The following DLC1 variants were observed in gnomAD, a reference collection of about 807,000 sequenced individuals.
The protein encoded by DLC1 is DLC1 Rho GTPase activating protein.
DLC1 carries 54 observed loss-of-function variants against 140.3 expected under a neutral mutation model. The ratio of observed to expected loss-of-function variants is 0.38; its 90% confidence interval spans 0.31 to 0.48. DLC1 has a LOEUF of 0.48. DLC1 is among the 20% of genes least tolerant of loss of function. The pLI is 0.96. For missense variants in DLC1, 2,536 were observed against 1,907.0 expected (o/e 1.33, Z -6.14); for synonymous variants, 986 against 728.1 (o/e 1.35, Z -5.70).
At chr8:13,315,949 G>A (rs1374784664) in intron 4 of DLC1, among the ~76,000 whole-genome samples, 4 of 152,304 alleles carry the variant, frequency 2.6e-5, no homozygotes, top group South Asian at 2.1e-4. Context: ...TGAGATGCAT[G>A]TGCAGAGAAC....
At chr8:13,127,194 C>G (rs887144796) in intron 5 of DLC1, among the ~76,000 whole-genome samples, 1 of 152,206 alleles carries the variant, frequency 6.6e-6, no homozygotes, top group African/African-American at 2.4e-5. Flanking sequence ...CCTAAATGAA[C>G]ACTAATGAAT....
chr8:13,576,048 C>G (rs888134672), intron 1 of DLC1, among the ~76,000 whole-genome samples: 1 of 152,114 alleles, frequency 6.6e-6, no homozygotes, highest in Non-Finnish European at 1.5e-5. Flanking sequence ...ATAGATGGAG[C>G]CAATTGTTGC....
intron 2 of DLC1, among the ~76,000 whole-genome samples, chr8:13,404,160 G>T (rs1182145006): frequency 6.6e-6 from 1 of 152,122 alleles, no homozygotes; most frequent in Non-Finnish European, 1.5e-5. Context: ...AGTGGAATAG[G>T]AAAAGGCACT....
Position 13,406,062 on chromosome 8 carries a change from A to G in DLC1, c.1024-4443T>C, listed in dbSNP as rs546072974. Among the ~76,000 whole-genome samples the G allele has an allele frequency of 1.7e-4, 24 of 141,344 alleles. No individual in the cohort carries two copies. The East Asian group carries it at 4.8e-3, about 28-fold the overall frequency. 92.7% of individuals were successfully genotyped at this position (141,344 alleles called of 152,430 possible). On this transcript the variant is annotated intron_variant, in intron 2 of 17. Coordinates refer to ENST00000276297, the MANE Select transcript of DLC1 (RefSeq NM_182643.3). ...AGCTCTGTCTCCCAGGCTGGAGTGC[A>G]GTGGCACAATCTTGGCTCACTGCAA...
At chr8:13,159,964 C>T (rs1396601471) in intron 5 of DLC1, among the ~76,000 whole-genome samples, 2 of 151,978 alleles carry the variant, frequency 1.3e-5, no homozygotes, top group African/African-American at 4.8e-5. Flanking sequence ...TCGAGACCAG[C>T]CTGGACAATA....
intron 1 of DLC1, among the ~76,000 whole-genome samples, chr8:13,537,317 G>T (rs896688039): frequency 6.6e-6 from 1 of 151,978 alleles, no homozygotes; most frequent in African/African-American, 2.4e-5. Flanking sequence ...CTGTGATCAC[G>T]TGGGACATTG....
At chr8:13,417,272 A>G (rs1425170732) in intron 2 of DLC1, among the ~76,000 whole-genome samples, 2 of 151,890 alleles carry the variant, frequency 1.3e-5, no homozygotes, top group South Asian at 2.1e-4. Context: ...GGTTAGTTAC[A>G]TATGTATACA....
rs56989279 is a variant in DLC1, at chr8:13,208,745, G to GACAC, written c.1349-93092_1349-93089dup. On this transcript the variant is annotated intron_variant, in intron 5 of 17. Transcript: ENST00000276297. The stretch of plus-strand genomic sequence containing the variant: ...CACACCACACACACACATACACACA[G>GACAC]ACACACACACACACACACACACACA... Among the ~76,000 whole-genome samples, 528 of 147,894 alleles carry GACAC rather than the reference G, an allele frequency of 3.6e-3. 2 individuals carry two copies. The highest frequency in any genetic ancestry group is 7.6e-3 in the South Asian group (35 of 4,576).
chr8:13,531,347 A>G (rs1803090882), intron 1 of DLC1, among the ~76,000 whole-genome samples: 1 of 152,182 alleles, frequency 6.6e-6, no homozygotes, highest in South Asian at 2.1e-4. Flanking sequence ...GCAATTTGGA[A>G]GGCCAAGGCG....
rs111634630 is a variant in DLC1 at position 13,137,438 on chromosome 8, A to C, written c.1349-21781T>G. ...CTTAGGGTCCTCTGAAAATGTTTCA[A>C]TACATCAAAATGAAAACCTATCATT... On this transcript the variant is annotated intron_variant, in intron 5 of 17. Transcript: ENST00000276297. 8.2e-5 allele frequency among the ~76,000 whole-genome samples: 12 copies of C among 147,206 alleles called. 1 individual carries two copies. The East Asian group carries it at 2.0e-3, about 25-fold the overall frequency.
chr8:13,220,069 C>G (rs185663946), intron 5 of DLC1, among the ~76,000 whole-genome samples: 4 of 152,118 alleles, frequency 2.6e-5, no homozygotes, highest in Non-Finnish European at 4.4e-5. Flanking sequence ...GGGTTTCCTT[C>G]TGGGGCGATT....
chr8:13,364,304 T>G (rs1300723105), intron 4 of DLC1, among the ~76,000 whole-genome samples: 1 of 149,874 alleles, frequency 6.7e-6, no homozygotes, highest in Non-Finnish European at 1.5e-5. Context: ...ATGAAACTTT[T>G]TTTTTTTTTT....
At chr8:13,527,831 C>T (rs1358640726) in intron 1 of DLC1, among the ~76,000 whole-genome samples, 4 of 152,082 alleles carry the variant, frequency 2.6e-5, no homozygotes, top group African/African-American at 7.2e-5. Context: ...TTTAGAGAAT[C>T]CTTAGCTTTA....
At chr8:13,129,371 T>A (rs1447835194) in intron 5 of DLC1, among the ~76,000 whole-genome samples, 1 of 152,186 alleles carries the variant, frequency 6.6e-6, no homozygotes, top group Non-Finnish European at 1.5e-5. Context: ...GAATTGTGCT[T>A]TCTAGGACAC....
chr8:13,164,360 G>C (rs1250690641), intron 5 of DLC1, among the ~76,000 whole-genome samples: 2 of 151,366 alleles, frequency 1.3e-5, no homozygotes, highest in African/African-American at 4.9e-5. Flanking sequence ...CTCTCTCTCT[G>C]TCTGTCTATT....
At chr8:13,343,436 CTT>C (rs1481807660) in intron 4 of DLC1, among the ~76,000 whole-genome samples, 2 of 152,158 alleles carry the variant, frequency 1.3e-5, no homozygotes, top group Non-Finnish European at 2.9e-5. Flanking sequence ...TTACATGTCT[CTT>C]TACACTGGGA....
chr8:13,187,925 T>C (rs1190220227), intron 5 of DLC1, among the ~76,000 whole-genome samples: 1 of 152,156 alleles, frequency 6.6e-6, no homozygotes, highest in Non-Finnish European at 1.5e-5. Context: ...AAGACAGACA[T>C]ATAAGGTAAT....
chr8:13,555,308 G>C (rs1024920859), intron 1 of DLC1, among the ~76,000 whole-genome samples: 2 of 151,860 alleles, frequency 1.3e-5, no homozygotes, highest in African/African-American at 4.8e-5. Context: ...TAACCTCCAT[G>C]AGGACAGCCT....
chr8:13,354,260 A>G (rs1729159), intron 4 of DLC1, among the ~76,000 whole-genome samples: 135,770 of 152,186 alleles, frequency 0.89, 60,687 homozygotes, highest in East Asian at 1. Flanking sequence ...ACTAGCCAAA[A>G]CTCCTGCAGA....
Sources: allele counts gnomAD v4.1 joint callset (sites outside exome capture counted in the v4.1 genomes callset), GRCh38; gene constraint gnomAD v4.1.1; transcripts MANE v1.5; gene names NCBI Gene and HGNC (gene_info 2026-07-23, HGNC 2026-07-21).